MACROD2: variants seen among roughly 807,000 people sequenced by gnomAD.
MACROD2 encodes ADP-ribose glycohydrolase MACROD2.
MACROD2 carries 36 observed loss-of-function variants against 70.4 expected under a neutral mutation model. The ratio of observed to expected loss-of-function variants is 0.51; its 90% CI spans 0.39 to 0.68. MACROD2 has a LOEUF of 0.68. Among genes scored for constraint, MACROD2 ranks in the 30% least tolerant of loss-of-function variants. The pLI, the probability that MACROD2 is intolerant of heterozygous loss-of-function variation, is 0.00. For synonymous variants in MACROD2, 172 were observed against 178.8 expected, an observed-to-expected ratio of 0.96 and a Z score of 0.30; for missense variants, 496 against 538.4, an observed-to-expected ratio of 0.92 and a Z score of 0.78.
intron 8 of MACROD2, among the ~76,000 whole-genome samples, chr20:15,781,838 A>G (rs2051838849): frequency 6.6e-6 from 1 of 152,114 alleles, no homozygotes; most frequent in Non-Finnish European, 1.5e-5. Flanking sequence ...GGTGGAATTA[A>G]TGGGGGCAGG....
At chr20:14,200,479 C>T (rs1322837640) in intron 3 of MACROD2, among the ~76,000 whole-genome samples, 2 of 152,116 alleles carry the variant, frequency 1.3e-5, no homozygotes, top group African/African-American at 4.8e-5. Flanking sequence ...AACAAACCCC[C>T]ATGACACAAG....
intron 2 of MACROD2, among the ~76,000 whole-genome samples, chr20:14,006,816 A>G (rs6110126): frequency 0.15 from 23,045 of 152,128 alleles, 1,940 homozygotes; most frequent in Admixed American, 0.22. Context: ...TCTCTGTGGT[A>G]TCATTGAACA....
intron 8 of MACROD2, among the ~76,000 whole-genome samples, chr20:15,640,785 G>T (rs1280766836): frequency 6.6e-6 from 1 of 152,078 alleles, no homozygotes; most frequent in African/African-American, 2.4e-5. Context: ...TTTTATGATG[G>T]TTCTTTTTCA....
At chr20:14,494,959 G>A (rs1455727873) in intron 4 of MACROD2, among the ~76,000 whole-genome samples, 1 of 152,010 alleles carries the variant, frequency 6.6e-6, no homozygotes, top group Non-Finnish European at 1.5e-5. Context: ...GAAACCTCAC[G>A]AATATTGTTA....
chr20:15,052,051 G>A (rs763386115), intron 5 of MACROD2, among the ~76,000 whole-genome samples: 3 of 151,930 alleles, frequency 2.0e-5, no homozygotes, highest in Admixed American at 6.6e-5. Flanking sequence ...GCGCCCGGCC[G>A]GCCTATACCA....
At chr20:14,244,646 A>G (rs1250124066) in intron 3 of MACROD2, among the ~76,000 whole-genome samples, 3 of 152,194 alleles carry the variant, frequency 2.0e-5, no homozygotes, top group Admixed American at 1.3e-4. Context: ...TGGTATGGGT[A>G]TATAATGTGG....
chr20:15,776,744 A>G (rs552781031), intron 8 of MACROD2, among the ~76,000 whole-genome samples: 2 of 152,312 alleles, frequency 1.3e-5, no homozygotes, highest in South Asian at 2.1e-4. Flanking sequence ...TTGCTCCAAA[A>G]CTACATTTCT....
intron 5 of MACROD2, among the ~76,000 whole-genome samples, chr20:15,166,915 A>C (rs1021444615): frequency 1.3e-5 from 2 of 149,848 alleles, no homozygotes; most frequent in African/African-American, 4.9e-5. Context: ...TAAGTATTTA[A>C]TTTAAGTATT....
At chr20:15,996,227 G>T (rs975372244) in intron 15 of MACROD2, among the ~76,000 whole-genome samples, 2 of 151,846 alleles carry the variant, frequency 1.3e-5, no homozygotes, top group African/African-American at 4.8e-5. Context: ...ATATCTCATT[G>T]TGATTTTGAT....
chr20:15,749,556 G>A (rs947698755), intron 8 of MACROD2, among the ~76,000 whole-genome samples: 3 of 151,876 alleles, frequency 2.0e-5, no homozygotes, highest in African/African-American at 7.2e-5. Flanking sequence ...CTTTTCATTG[G>A]TATTTGTCAT....
intron 3 of MACROD2, among the ~76,000 whole-genome samples, chr20:14,388,796 A>C (rs1473917973): frequency 6.6e-6 from 1 of 152,102 alleles, no homozygotes; most frequent in Non-Finnish European, 1.5e-5. Flanking sequence ...TATGGGTCCC[A>C]TGGTGGTTAT....
intron 8 of MACROD2, among the ~76,000 whole-genome samples, chr20:15,810,038 G>A (rs1242486511): frequency 2.3e-5 from 3 of 128,634 alleles, no homozygotes; most frequent in African/African-American, 6.1e-5. Flanking sequence ...CAACAGTGCC[G>A]GGAGTGTGAT....
At chr20:15,026,434 C>T (rs191652128) in intron 5 of MACROD2, among the ~76,000 whole-genome samples, 37 of 151,788 alleles carry the variant, frequency 2.4e-4, no homozygotes, top group South Asian at 6.3e-4. Flanking sequence ...TTACTAGAGT[C>T]AGATTTAATT....
chr20:14,535,036 C>T (rs1046081000), intron 4 of MACROD2, among the ~76,000 whole-genome samples: 3 of 152,284 alleles, frequency 2.0e-5, no homozygotes, highest in East Asian at 1.9e-4. Flanking sequence ...GCATAAAAAA[C>T]GATAGAATGA....
At chr20:15,089,512 A>C (rs2075777106) in intron 5 of MACROD2, among the ~76,000 whole-genome samples, 1 of 152,118 alleles carries the variant, frequency 6.6e-6, no homozygotes, top group Non-Finnish European at 1.5e-5. Context: ...TCAACATGTC[A>C]ACTCTTTTAT....
At chr20:15,516,132 T>C (rs920811277) in intron 8 of MACROD2, among the ~76,000 whole-genome samples, 8 of 152,058 alleles carry the variant, frequency 5.3e-5, no homozygotes, top group African/African-American at 2.4e-5. Context: ...CATTATCCTT[T>C]TTTCAGTTAA....
At chr20:15,936,689 T>TG (rs1485655897) in intron 11 of MACROD2, among the ~76,000 whole-genome samples, 6 of 108,420 alleles carry the variant, frequency 5.5e-5, no homozygotes, top group African/African-American at 1.9e-4. Context: ...ATATATATAT[T>TG]CATTTTCCAG....
intron 5 of MACROD2, among the ~76,000 whole-genome samples, chr20:14,960,055 A>G (rs2122764216): frequency 6.6e-6 from 1 of 152,242 alleles, no homozygotes; most frequent in Admixed American, 6.5e-5. Context: ...TCCCAAAGAG[A>G]CTAACAGCAA....
At chr20:15,619,057 C>T (rs569238615) in intron 8 of MACROD2, among the ~76,000 whole-genome samples, 2 of 152,158 alleles carry the variant, frequency 1.3e-5, no homozygotes, top group South Asian at 2.1e-4. Context: ...CATGAGCCAG[C>T]TTATCAATCT....
Sources: allele counts gnomAD v4.1 joint callset (sites outside exome capture counted in the v4.1 genomes callset), GRCh38; gene constraint gnomAD v4.1.1; transcripts MANE v1.5; gene names NCBI Gene and HGNC (gene_info 2026-07-23, HGNC 2026-07-21).